ATF2: variants seen among roughly 807,000 people sequenced by gnomAD.
ATF2 encodes the protein activating transcription factor 2, also known as cyclic AMP-dependent transcription factor ATF-2.
ATF2 carries 24 observed loss-of-function variants against 60.6 expected under a neutral mutation model. That is an observed-to-expected ratio of 0.40 (90% confidence interval 0.29 to 0.56). The LOEUF (loss-of-function observed/expected upper bound fraction) is 0.56, where lower values mean the gene tolerates loss of function less well. ATF2 is among the 20% of genes least tolerant of loss of function. The pLI is 0.54. For synonymous variants in ATF2, 206 were observed against 215.4 expected, an observed-to-expected ratio of 0.96 and a Z score of 0.38; for missense variants, 433 against 607.7, an observed-to-expected ratio of 0.71 and a Z score of 3.02.
chr2:175,123,495 G>A (rs1292879521), intron 4 of ATF2, among the ~76,000 whole-genome samples: 2 of 151,952 alleles, frequency 1.3e-5, no homozygotes, highest in Non-Finnish European at 2.9e-5. Flanking sequence ...GAATGTTGTC[G>A]CCTAGGAATT....
chr2:175,107,701 G>A (rs1042102677), intron 10 of ATF2, among the ~76,000 whole-genome samples: 2 of 152,202 alleles, frequency 1.3e-5, no homozygotes, highest in East Asian at 1.9e-4. Flanking sequence ...GAGTGCCTGC[G>A]ATTGCAGGCG....
At chr2:175,137,361 A>C (rs1698212536) in intron 2 of ATF2, among the ~76,000 whole-genome samples, 1 of 152,158 alleles carries the variant, frequency 6.6e-6, no homozygotes, top group Admixed American at 6.5e-5. Context: ...GAGAGGAAAA[A>C]GAACACTAGA....
chr2:175,114,127 G>A lies in ATF2; in HGVS notation c.627-19C>T. On this transcript the variant is annotated intron_variant, in intron 8 of 13. Transcript: ENST00000264110. ...TACAGGGCTAAGAAAAACAAAAGAA[G>A]AGAAATTTTAAAAAAGAGATTCATA... is the stretch of plus-strand genomic sequence containing the variant. The A allele has an allele frequency of 6.4e-7, 1 of 1,554,986 alleles. No homozygotes were observed. Among genetic ancestry groups the A allele is most frequent in the Non-Finnish European group, 8.7e-7 (1 of 1,153,998 alleles).
intron 5 of ATF2, 126 bp downstream of exon 5, chr2:175,121,318 C>A (rs1696941443): frequency 4.1e-6 from 2 of 493,754 alleles, no homozygotes; most frequent in South Asian, 6.6e-5. Context: ...ATACATGTTG[C>A]CAACATTTAC....
At chr2:175,121,708 C>G (rs1243833918) in intron 4 of ATF2, among the ~76,000 whole-genome samples, 168 bp from the exon 5 acceptor site, 2 of 150,748 alleles carry the variant, frequency 1.3e-5, no homozygotes, top group Non-Finnish European at 3.0e-5. Context: ...CACTAGATTG[C>G]AAACAATCAC....
In ATF2 at chr2:175,134,150, CT is replaced by C. The variant is rs888127045; in HGVS notation, c.32+2261del. 3.9e-5 allele frequency among the ~76,000 whole-genome samples: 6 copies of C among 152,228 alleles called. No individual in the cohort carries two copies. In the East Asian group the frequency reaches 9.7e-4, roughly 25 times the overall value. On this transcript the variant is annotated intron_variant, in intron 3 of 13. Coordinates refer to ENST00000264110, the MANE Select transcript of ATF2 (RefSeq NM_001880.4). ...TGCATCTGTACTAAACATGTACAGA[CT>C]TTTTTTCTTGTCATTATTACCTAAA...
chr2:175,141,034 T>TAC (rs1698495755), intron 2 of ATF2, among the ~76,000 whole-genome samples: 1 of 101,878 alleles, frequency 9.8e-6, no homozygotes, highest in African/African-American at 3.7e-5. Flanking sequence ...AAAAAAAATA[T>TAC]ATATATATAT....
rs1230157046 is a variant in ATF2 at position 175,106,729 on chromosome 2, G to A, written c.828+4839C>T. The stretch of plus-strand genomic sequence containing the variant: ...CGGAAGCCTGTAATCCCAGCTACTC[G>A]GGAGGCTGAGGCAGGAAAACTGCGT... On this transcript the variant is annotated intron_variant, in intron 10 of 13. Coordinates refer to ENST00000264110, the MANE Select transcript of ATF2 (RefSeq NM_001880.4). 5.3e-5 allele frequency among the ~76,000 whole-genome samples: 8 copies of A among 151,638 alleles called. No homozygotes were observed. In the East Asian group the frequency reaches 1.2e-3, roughly 22 times the overall value.
intron 5 of ATF2, among the ~76,000 whole-genome samples, chr2:175,118,705 A>G (rs1329401751): frequency 6.6e-6 from 1 of 151,788 alleles, no homozygotes; most frequent in African/African-American, 2.4e-5. Flanking sequence ...TTAAATTTAC[A>G]TTATTAAAAA....
At chr2:175,139,955 C>T (rs1011332179) in intron 2 of ATF2, among the ~76,000 whole-genome samples, 3 of 151,782 alleles carry the variant, frequency 2.0e-5, no homozygotes, top group Non-Finnish European at 2.9e-5. Flanking sequence ...AGCAAAATGC[C>T]CAAAAAGTTA....
chr2:175,118,332 A>G lies in ATF2; in HGVS notation c.237T>C (p.Cys79=). Residue 79 remains cysteine, a synonymous_variant, in exon 6 of 14, where the codon TGT becomes TGC. Transcript: ENST00000264110. ...TPTPTRFLKN[C]EEVGLFNELA... is the part of the protein sequence containing the mutation. Reference sequence around the variant, plus strand: ...ACTCATTAAACAAACCCACTTCTTCACAGTTTTTCAAGAATCTTGTTGGTG... The same window carrying G: ...ACTCATTAAACAAACCCACTTCTTCGCAGTTTTTCAAGAATCTTGTTGGTG... 2 of 1,610,514 alleles carry G rather than the reference A, an allele frequency of 1.2e-6. No homozygotes were observed. Among genetic ancestry groups the G allele is most frequent in the Non-Finnish European group, 1.7e-6 (2 of 1,178,242 alleles).
chr2:175,078,291 A>G (rs1693510452), intron 13 of ATF2, among the ~76,000 whole-genome samples: 1 of 151,184 alleles, frequency 6.6e-6, no homozygotes, highest in Admixed American at 6.6e-5. Context: ...TTTCAGTAAT[A>G]AAAGTATTTG....
chr2:175,142,579 T>C (rs1431427196), intron 2 of ATF2, among the ~76,000 whole-genome samples: 1 of 152,222 alleles, frequency 6.6e-6, no homozygotes, highest in South Asian at 2.1e-4. Context: ...CTTGTTTAAA[T>C]TCTACTTTCA....
At chr2:175,083,806 CAAAG>C (rs1353042789) in intron 12 of ATF2, among the ~76,000 whole-genome samples, 1 of 152,024 alleles carries the variant, frequency 6.6e-6, no homozygotes, top group Non-Finnish European at 1.5e-5. Context: ...AAGAAAAAAA[CAAAG>C]AACCCCATCC....
intron 8 of ATF2, 175 bp downstream of exon 8, chr2:175,114,515 T>C (rs1696415388): frequency 7.6e-7 from 1 of 1,319,454 alleles, no homozygotes; most frequent in Admixed American, 3.5e-5. Flanking sequence ...TCTCCCACTC[T>C]GTTAGTTAAT....
At chr2:175,076,271 C>T (rs1030745353) in intron 13 of ATF2, among the ~76,000 whole-genome samples, 2 of 151,994 alleles carry the variant, frequency 1.3e-5, no homozygotes, top group Non-Finnish European at 2.9e-5. Context: ...GATGGAACCC[C>T]ATCTTCTCTA....
chr2:175,155,327 G>A (rs1439036935), intron 1 of ATF2, among the ~76,000 whole-genome samples: 1 of 152,154 alleles, frequency 6.6e-6, no homozygotes, highest in Non-Finnish European at 1.5e-5. Context: ...TAAAATAAGA[G>A]TGCCTTAAAA....
At chr2:175,151,689 A>C (rs1171636418) in intron 1 of ATF2, among the ~76,000 whole-genome samples, 1 of 152,162 alleles carries the variant, frequency 6.6e-6, no homozygotes, top group Non-Finnish European at 1.5e-5. Flanking sequence ...ACTCAAAATA[A>C]CAACGGAATG....
At position 175,163,503 on chromosome 2, in the gene ATF2, C is replaced by T. The variant is rs567024990; in HGVS notation, c.-143+4547G>A. On this transcript the variant is annotated intron_variant, in intron 1 of 13. Transcript: ENST00000264110. ...ATTTTGTATTCCTTGGGTAGAAAGG[C>T]AAAAAAGTGGCTGAGAACCACTATC... is the stretch of plus-strand genomic sequence containing the variant. 1.3e-4 allele frequency among the ~76,000 whole-genome samples: 20 copies of T among 151,916 alleles called. No homozygotes were observed. The South Asian group carries it at 4.2e-3, about 32-fold the overall frequency.
Sources: gnomAD v4.1 joint callset for allele counts (sites outside exome capture counted in the v4.1 genomes callset) on GRCh38, gnomAD v4.1.1 for gene constraint, MANE v1.5 for transcripts, NCBI Gene and HGNC (gene_info 2026-07-23, HGNC 2026-07-21) for gene names.